GSDMC: variants seen among roughly 807,000 people sequenced by gnomAD.
GSDMC encodes the protein gasdermin C.
Under a neutral mutation model 58.0 loss-of-function variants are expected in GSDMC, and 59 were observed. The ratio of observed to expected loss-of-function variants is 1.02; its 90% CI spans 0.82 to 1.26. The LOEUF (loss-of-function observed/expected upper bound fraction) is 1.26, where lower values mean the gene tolerates loss of function less well. Ranked by LOEUF, GSDMC falls within the 50% of genes most tolerant of loss-of-function variation. The pLI, the probability that GSDMC is intolerant of heterozygous loss-of-function variation, is 0.00. For missense variants in GSDMC, 659 were observed against 598.5 expected, an observed-to-expected ratio of 1.10 and a Z score of -1.06; for synonymous variants, 241 against 220.2, an observed-to-expected ratio of 1.09 and a Z score of -0.83.
Position 129,752,824 on chromosome 8 carries a change from G to C in GSDMC, c.722-4C>G. 1.2e-6 allele frequency: 2 copies of C among 1,614,068 alleles called. No homozygotes were observed. Among genetic ancestry groups the C allele is most frequent in the Non-Finnish European group, 1.7e-6 (2 of 1,179,958 alleles). ...ACCATTTCGGAAATTTCGTACTCTT[G>C]GGAGAGAGGGAGAGCAGAATGACTG... On this transcript the variant is annotated splice_region_variant and splice_polypyrimidine_tract_variant and intron_variant, in intron 6 of 13. Coordinates refer to ENST00000276708, the MANE Select transcript of GSDMC (RefSeq NM_031415.3).
In GSDMC at chr8:129,776,063, A is replaced by T. The variant is rs372584008; in HGVS notation, c.404+39T>A. 5.4e-6 allele frequency: 8 copies of T among 1,488,206 alleles called. No individual in the cohort carries two copies. The African/African-American group carries it at 9.8e-5, about 18-fold the overall frequency. The allele number at this position is 1,488,206 out of a possible 1,614,324, so 92.2% of individuals were successfully genotyped here. On this transcript the variant is annotated intron_variant, in intron 3 of 13. Coordinates refer to ENST00000276708, the MANE Select transcript of GSDMC (RefSeq NM_031415.3). ...GTGTTCAAGGAAAACACCCCCTGGG[A>T]TACTGATGATCCATCCCCTTCCTCT...
rs1205272477 is a variant in GSDMC, at chr8:129,750,058, T to G, written c.1145A>C (p.Gln382Pro). 6.2e-7 allele frequency: 1 copy of G among 1,610,552 alleles called. No homozygotes were observed. The highest frequency in any genetic ancestry group is 2.2e-5 in the East Asian group (1 of 44,856). The change falls in exon 12 of 14, where the codon CAA (glutamine) becomes CCA (proline). Residue 382 changes from glutamine (Q) to proline (P), a missense_variant. Coordinates refer to ENST00000276708, the MANE Select transcript of GSDMC (RefSeq NM_031415.3). ...AAACCATGCATGGTTTGAATCCTGT[T>G]GAAGTTTCTTTAGGATGGCACCACC... ...GPGGAILKKL[Q>P]QDSNHAWFNP...
At chr8:129,732,684 G>A in the GSDMC span, among the ~76,000 whole-genome samples, 1 of 152,170 alleles carries the variant, frequency 6.6e-6, no homozygotes, top group Non-Finnish European at 1.5e-5. Context: ...ACTTCTAAAG[G>A]ATTCTCTTCC....
At chr8:129,736,250 T>C in the GSDMC span, among the ~76,000 whole-genome samples, 1 of 152,138 alleles carries the variant, frequency 6.6e-6, no homozygotes, top group African/African-American at 2.4e-5. Context: ...CTGAAACTAT[T>C]CCAATCAATA....
chr8:129,761,775 G>A (rs2033672142), intron 5 of GSDMC, among the ~76,000 whole-genome samples: 2 of 152,164 alleles, frequency 1.3e-5, no homozygotes, highest in South Asian at 4.1e-4. Flanking sequence ...GATATGGTCA[G>A]TCTTTCCAGA....
In GSDMC at chr8:129,757,620, T is replaced by C. The variant is rs185184379; in HGVS notation, c.721+2925A>G. 2.5e-3 allele frequency among the ~76,000 whole-genome samples: 374 copies of C among 152,026 alleles called. 2 individuals are homozygous for C. Among genetic ancestry groups the C allele is most frequent in the African/African-American group, 8.4e-3 (350 of 41,444 alleles). ...AAAAAAAAAGAAAAAAGAAACCCTATAGGCAATATCTCTGATGAATATTGA... is the reference window on the plus strand; with the variant it reads ...AAAAAAAAAGAAAAAAGAAACCCTACAGGCAATATCTCTGATGAATATTGA... On this transcript the variant is annotated intron_variant, in intron 6 of 13. Coordinates refer to ENST00000276708, the MANE Select transcript of GSDMC (RefSeq NM_031415.3).
chr8:129,776,161 G>T lies in GSDMC; in HGVS notation c.345C>A (p.Cys115Ter), dbSNP rs763298619. The T allele has an allele frequency of 1.9e-6, 3 of 1,613,874 alleles. No homozygotes were observed. Among genetic ancestry groups the T allele is most frequent in the Admixed American group, 3.3e-5 (2 of 59,992 alleles). Residue 115 changes from cysteine to a stop codon, truncating the protein, a stop_gained, in exon 3 of 14, where the codon TGC (cysteine) becomes TGA (stop). Coordinates refer to ENST00000276708, the MANE Select transcript of GSDMC (RefSeq NM_031415.3). LOFTEE classifies it high-confidence loss of function. The stretch of plus-strand genomic sequence containing the variant: ...TGGTAACAATTTGAAACTCGAGGGA[G>T]CATCCATGGTCCACAGAGGCCTCCC... ...VSGEASVDHG[C>*]SLEFQIVTIP... is the part of the protein sequence containing the mutation.
chr8:129,713,387 T>C, the GSDMC span, among the ~76,000 whole-genome samples: 1 of 122,652 alleles, frequency 8.2e-6, no homozygotes, highest in African/African-American at 3.9e-5. Context: ...CAGCCATCAA[T>C]GGAGCCTTGT....
chr8:129,735,813 G>A, the GSDMC span, among the ~76,000 whole-genome samples: 2 of 152,080 alleles, frequency 1.3e-5, no homozygotes, highest in Admixed American at 6.5e-5. Flanking sequence ...GATCAGAGCA[G>A]AACTAAAGGA....
At chr8:129,734,856 A>T in the GSDMC span, among the ~76,000 whole-genome samples, 1 of 152,218 alleles carries the variant, frequency 6.6e-6, no homozygotes, top group Non-Finnish European at 1.5e-5. Context: ...CAATTAAAAG[A>T]CACAGACTGG....
downstream of GSDMC, among the ~76,000 whole-genome samples, chr8:129,743,225 T>C (rs943319141): frequency 2.0e-5 from 3 of 152,180 alleles, no homozygotes; most frequent in African/African-American, 7.2e-5. Flanking sequence ...GTTATGGGGC[T>C]CCAATTACAT....
the GSDMC span, among the ~76,000 whole-genome samples, chr8:129,731,762 C>T: frequency 1.3e-5 from 2 of 152,004 alleles, no homozygotes; most frequent in African/African-American, 4.8e-5. Flanking sequence ...ACAGAAACAC[C>T]CAGAATAAAG....
chr8:129,728,532 A>G, the GSDMC span, among the ~76,000 whole-genome samples: 1 of 152,180 alleles, frequency 6.6e-6, no homozygotes, highest in Non-Finnish European at 1.5e-5. Context: ...GCCTGCCATC[A>G]TGGGACCTGC....
At chr8:129,780,932 GTGTT>G (rs77501853) in intron 1 of GSDMC, among the ~76,000 whole-genome samples, 53,136 of 151,762 alleles carry the variant, frequency 0.35, 9,825 homozygotes, top group East Asian at 0.69. Flanking sequence ...TTTTCTGTTT[GTGTT>G]TGTTTGTTTA....
At position 129,762,759 on chromosome 8, in the gene GSDMC, A is replaced by G. The variant is rs1457161914; in HGVS notation, c.571-28T>C. On this transcript the variant is annotated intron_variant, in intron 4 of 13. Coordinates refer to ENST00000276708, the MANE Select transcript of GSDMC (RefSeq NM_031415.3). ...GGGGAGAGAAACCAGACAATACAGT[A>G]TTAAATGTATGTAATTTTAAAGGTC... The G allele has an allele frequency of 4.9e-6, 7 of 1,418,726 alleles. 1 individual carries two copies. The South Asian group carries it at 8.1e-5, about 16-fold the overall frequency. 87.9% of individuals were successfully genotyped at this position (1,418,726 alleles called of 1,614,324 possible).
chr8:129,726,189 C>T, the GSDMC span, among the ~76,000 whole-genome samples: 1 of 152,146 alleles, frequency 6.6e-6, no homozygotes, highest in African/African-American at 2.4e-5. Context: ...TTCTAAGTTC[C>T]TCATCATTCT....
chr8:129,766,674 C>T (rs1269979396), intron 3 of GSDMC, among the ~76,000 whole-genome samples: 2 of 152,112 alleles, frequency 1.3e-5, no homozygotes, highest in African/African-American at 4.8e-5. Context: ...ACACCAAGCT[C>T]GGTGTTTCAC....
At chr8:129,750,251 G>T in intron 11 of GSDMC, 132 bp from the exon 12 acceptor site, 1 of 1,013,834 alleles carries the variant, frequency 9.9e-7, no homozygotes, top group Non-Finnish European at 1.4e-6. Flanking sequence ...ATTCCAAGCA[G>T]CCTCAGTAGT....
At chr8:129,719,239 G>A in the GSDMC span, among the ~76,000 whole-genome samples, 2 of 152,058 alleles carry the variant, frequency 1.3e-5, no homozygotes. Context: ...AAATTCAGAC[G>A]AAATGGACTT....
Sources: gnomAD v4.1 joint callset for allele counts (sites outside exome capture counted in the v4.1 genomes callset) on GRCh38, gnomAD v4.1.1 for gene constraint, MANE v1.5 for transcripts, NCBI Gene and HGNC (gene_info 2026-07-23, HGNC 2026-07-21) for gene names.